The following GRIK1 variants were observed in gnomAD, a reference collection of about 807,000 sequenced individuals.
GRIK1 encodes glutamate receptor ionotropic, kainate 1.
A neutral mutation model predicts 105.7 loss-of-function variants in GRIK1; 69 were observed. The observed-to-expected ratio is 0.65, with a 90% CI of 0.54 to 0.80. GRIK1 has a LOEUF of 0.80. Among genes scored for constraint, GRIK1 ranks in the 30% least tolerant of loss-of-function variants. The pLI, the probability that GRIK1 is intolerant of heterozygous loss-of-function variation, is 0.00. For synonymous variants in GRIK1, 438 were observed against 431.3 expected (o/e 1.02, Z -0.19); for missense variants, 1,109 against 1,167.3 (o/e 0.95, Z 0.73).
chr21:29,717,935 T>C lies in GRIK1; in HGVS notation c.119-23872A>G, dbSNP rs541523938. On this transcript the variant is annotated intron_variant, in intron 1 of 17. Transcript: ENST00000327783. ...ATTGTGGGAGGGGCCCAGTGGGAGA[T>C]AATTGAATCATGGGGGTGGTTACCC... Among the ~76,000 whole-genome samples, 70 of 152,262 alleles carry C rather than the reference T, an allele frequency of 4.6e-4. 1 individual carries two copies. Among genetic ancestry groups the C allele is most frequent in the Admixed American group, 1.7e-3 (26 of 15,292 alleles).
chr21:29,539,502 C>T (rs1485693917), intron 16 of GRIK1, among the ~76,000 whole-genome samples: 3 of 152,106 alleles, frequency 2.0e-5, no homozygotes, highest in Admixed American at 6.6e-5. Flanking sequence ...GTATCACTTC[C>T]GTTCCACTGC....
At chr21:29,838,712 G>C (rs1371134664) in intron 1 of GRIK1, among the ~76,000 whole-genome samples, 1 of 152,176 alleles carries the variant, frequency 6.6e-6, no homozygotes, top group East Asian at 1.9e-4. Flanking sequence ...CTCTGAGTTT[G>C]ATACTGATTA....
rs183153303 is a variant in GRIK1 at position 29,908,999 on chromosome 21, C to A, written c.118+30384G>T. 4.6e-5 allele frequency among the ~76,000 whole-genome samples: 7 copies of A among 152,162 alleles called. No homozygotes were observed. In the East Asian group the frequency reaches 1.2e-3, roughly 25 times the overall value. On this transcript the variant is annotated intron_variant, in intron 1 of 17. Coordinates refer to ENST00000327783, the MANE Select transcript of GRIK1 (RefSeq NM_001330994.2). ...ACTTTCAATTTTGAGTACTGAAAATCTTTGTAAGAATATTTTTAAACACAT... is the reference window on the plus strand; with the variant it reads ...ACTTTCAATTTTGAGTACTGAAAATATTTGTAAGAATATTTTTAAACACAT...
At chr21:29,758,599 T>C (rs907813049) in intron 1 of GRIK1, among the ~76,000 whole-genome samples, 12 of 152,182 alleles carry the variant, frequency 7.9e-5, no homozygotes, top group African/African-American at 2.7e-4. Context: ...ACAGGGATTA[T>C]AACAAAATAA....
intron 1 of GRIK1, among the ~76,000 whole-genome samples, chr21:29,871,186 A>G (rs1160838028): frequency 6.6e-6 from 1 of 152,210 alleles, no homozygotes. Context: ...TCCAGAGGGC[A>G]GGGATTGCAT....
chr21:29,875,184 G>A (rs746166671), intron 1 of GRIK1, among the ~76,000 whole-genome samples: 15 of 151,826 alleles, frequency 9.9e-5, no homozygotes, highest in Non-Finnish European at 2.1e-4. Flanking sequence ...AGACATCTGA[G>A]GACAAGATTA....
chr21:29,712,865 A>G (rs897137469), intron 1 of GRIK1, among the ~76,000 whole-genome samples: 3 of 151,780 alleles, frequency 2.0e-5, no homozygotes, highest in Admixed American at 6.6e-5. Flanking sequence ...ATGTAATTCA[A>G]TCTATCTTCT....
chr21:29,799,410 C>A (rs2066643871), intron 1 of GRIK1, among the ~76,000 whole-genome samples: 1 of 152,188 alleles, frequency 6.6e-6, no homozygotes, highest in Non-Finnish European at 1.5e-5. Flanking sequence ...CATTAGGTGA[C>A]CTGTCCAGGG....
chr21:29,537,996 G>A (rs981745856), intron 16 of GRIK1, 112 bp from the exon 17 acceptor site: 1 of 626,246 alleles, frequency 1.6e-6, no homozygotes, highest in Non-Finnish European at 2.8e-6. Context: ...AAATAATGTG[G>A]TACTGAACTT....
At chr21:29,896,079 A>T (rs1466662826) in intron 1 of GRIK1, among the ~76,000 whole-genome samples, 1 of 152,190 alleles carries the variant, frequency 6.6e-6, no homozygotes, top group African/African-American at 2.4e-5. Context: ...CTAAACTGAT[A>T]TTCTATCCTA....
At chr21:29,814,989 A>G (rs1005453556) in intron 1 of GRIK1, among the ~76,000 whole-genome samples, 1 of 152,180 alleles carries the variant, frequency 6.6e-6, no homozygotes, top group Non-Finnish European at 1.5e-5. Context: ...TAATCATCAC[A>G]TCCATTTTAT....
At chr21:29,916,200 T>C (rs1297494787) in intron 1 of GRIK1, among the ~76,000 whole-genome samples, 1 of 151,926 alleles carries the variant, frequency 6.6e-6, no homozygotes, top group Non-Finnish European at 1.5e-5. Context: ...AAAAGTAATG[T>C]TCAAGATTGG....
rs546024092 is a variant in GRIK1, at chr21:29,675,026, C to T, written c.545-1862G>A. ...ATTAAAAATGAAACAAAATATAGAACGTGGGTTCGTATATTTGTTATTTGT... is the reference window on the plus strand; with the variant it reads ...ATTAAAAATGAAACAAAATATAGAATGTGGGTTCGTATATTTGTTATTTGT... On this transcript the variant is annotated intron_variant, in intron 3 of 17. Transcript: ENST00000327783. Among the ~76,000 whole-genome samples the T allele has an allele frequency of 7.9e-5, 12 of 152,176 alleles. No homozygotes were observed. In the South Asian group the frequency reaches 1.9e-3, roughly 24 times the overall value.
intron 1 of GRIK1, among the ~76,000 whole-genome samples, chr21:29,867,886 A>AGGAGAGAAAGAGAGAGAAAGAGAG: frequency 7.7e-6 from 1 of 129,108 alleles, no homozygotes; most frequent in South Asian, 2.7e-4. Context: ...AAGAGAGAGA[A>AGGAGAGAAAGAGAGAGAAAGAGAG]AGAGAGAGAG....
chr21:29,777,769 AG>A (rs2065986241), intron 1 of GRIK1, among the ~76,000 whole-genome samples: 2 of 152,136 alleles, frequency 1.3e-5, no homozygotes, highest in South Asian at 4.1e-4. Flanking sequence ...CTGTCGGACT[AG>A]AGGCTGTTTC....
chr21:29,718,192 C>G (rs1015367423), intron 1 of GRIK1, among the ~76,000 whole-genome samples: 8 of 152,160 alleles, frequency 5.3e-5, no homozygotes, highest in African/African-American at 1.9e-4. Context: ...TTCTTCATAG[C>G]AGCATGATAA....
chr21:29,627,875 A>C (rs905979000), intron 7 of GRIK1, among the ~76,000 whole-genome samples: 2 of 152,220 alleles, frequency 1.3e-5, no homozygotes, highest in Non-Finnish European at 2.9e-5. Flanking sequence ...CCCTTGGGGA[A>C]TATAGCAAAA....
intron 1 of GRIK1, among the ~76,000 whole-genome samples, chr21:29,862,748 T>C (rs1182112218): frequency 2.0e-5 from 3 of 152,254 alleles, no homozygotes; most frequent in Non-Finnish European, 4.4e-5. Context: ...CTAAGTCATA[T>C]GCTTTTAATG....
intron 13 of GRIK1, among the ~76,000 whole-genome samples, chr21:29,579,676 A>G (rs1172446208): frequency 1.3e-5 from 2 of 152,132 alleles, no homozygotes; most frequent in African/African-American, 4.8e-5. Context: ...AAGTACCTCA[A>G]GTTTGTATCT....
Sources: allele counts gnomAD v4.1 joint callset (sites outside exome capture counted in the v4.1 genomes callset), GRCh38; gene constraint gnomAD v4.1.1; transcripts MANE v1.5; gene names NCBI Gene and HGNC (gene_info 2026-07-23, HGNC 2026-07-21).